The following ARHGAP11B variants were observed in gnomAD, a reference collection of about 807,000 sequenced individuals.
ARHGAP11B encodes the protein Rho GTPase activating protein 11B.
ARHGAP11B carries 14 observed loss-of-function variants against 27.6 expected under a neutral mutation model. The ratio of observed to expected loss-of-function variants is 0.51; its 90% CI spans 0.34 to 0.79. The LOEUF (loss-of-function observed/expected upper bound fraction) is 0.79. Among genes scored for constraint, ARHGAP11B ranks in the 30% least tolerant of loss-of-function variants. The pLI, the probability that ARHGAP11B is intolerant of heterozygous loss-of-function variation, is 0.02. For synonymous variants in ARHGAP11B, 82 were observed against 114.1 expected, an observed-to-expected ratio of 0.72 and a Z score of 1.80; for missense variants, 245 against 320.1, an observed-to-expected ratio of 0.77 and a Z score of 1.79.
chr15:30,630,140 G>T (rs1174889192), intron 1 of ARHGAP11B, among the ~76,000 whole-genome samples: 1 of 152,064 alleles, frequency 6.6e-6, no homozygotes, highest in Non-Finnish European at 1.5e-5. Flanking sequence ...CTTACCGCAG[G>T]GCATGGTTTG....
chr15:30,638,510 A>G (rs985178835), intron 6 of ARHGAP11B, among the ~76,000 whole-genome samples: 33 of 151,694 alleles, frequency 2.2e-4, no homozygotes, highest in Non-Finnish European at 3.5e-4. Flanking sequence ...TTTGTATTAC[A>G]TTTCTTTCTG....
intron 7 of ARHGAP11B, among the ~76,000 whole-genome samples, chr15:30,640,634 T>C (rs1044484405): frequency 1.3e-5 from 2 of 151,988 alleles, no homozygotes; most frequent in African/African-American, 4.8e-5. Context: ...TTTCAGACAA[T>C]GTTAAGTTTC....
Position 30,630,896 on chromosome 15 carries a change from A to C in ARHGAP11B, c.200+123A>C, listed in dbSNP as rs1341905143. ...GGAGCTTAAGACCAGCCTGGGCAAC[A>C]TGGTGAGACCTTGTCGCAAAAGATA... On this transcript the variant is annotated intron_variant, in intron 2 of 10. Coordinates refer to ENST00000428041, the Ensembl canonical transcript of ARHGAP11B. The C allele has an allele frequency of 3.5e-5, 54 of 1,544,568 alleles. 3 individuals carry two copies. The highest frequency in any genetic ancestry group is 4.2e-5 in the Admixed American group (2 of 47,486).
At position 30,634,377 on chromosome 15, in the gene ARHGAP11B, C is replaced by T. The variant is rs371509806; in HGVS notation, c.505C>T (p.His169Tyr). Residue 169 changes from histidine to tyrosine, a missense_variant, in exon 4 of 11, where the codon CAT becomes TAT. By Grantham distance (83) the His-to-Tyr change is moderately conservative. This residue lies in a region of ARHGAP11B where 129 missense variants were observed against 159.9 expected (regional missense o/e 0.81). Transcript: ENST00000428041. ...CTGTCTTCTGGCTGACCACACAGTT[C>T]ATGTATTAAGATACTTCTTTAACTT... 256 of 1,613,238 alleles carry T rather than the reference C, an allele frequency of 1.6e-4. 2 individuals are homozygous for T. The highest frequency in any genetic ancestry group is 2.1e-4 in the Non-Finnish European group (242 of 1,179,646).
chr15:30,638,882 A>G (rs948199578), intron 7 of ARHGAP11B, 72 bp downstream of exon 7: 18 of 861,128 alleles, frequency 2.1e-5, no homozygotes, highest in Non-Finnish European at 9.9e-6. Context: ...ATAAAATACA[A>G]TTACAATAAT....
exon 11 of ARHGAP11B, among the ~76,000 whole-genome samples, chr15:30,648,313 A>C (rs1460950126): frequency 6.6e-6 from 1 of 152,028 alleles, no homozygotes; most frequent in Non-Finnish European, 1.5e-5. Flanking sequence ...GGAGCAGCAT[A>C]CCAGGTGGAA....
chr15:30,641,693 G>A (rs1357009889), intron 7 of ARHGAP11B: 2 of 152,142 alleles, frequency 1.3e-5, no homozygotes, highest in Admixed American at 1.3e-4. Flanking sequence ...TTCTGACTGT[G>A]CCTTCTGCGA....
At chr15:30,643,222 T>C (rs543382696) in intron 7 of ARHGAP11B, among the ~76,000 whole-genome samples, 1 of 152,020 alleles carries the variant, frequency 6.6e-6, no homozygotes, top group African/African-American at 2.4e-5. Context: ...TCCTAGTCTT[T>C]CATGGTTTTG....
intron 7 of ARHGAP11B, among the ~76,000 whole-genome samples, chr15:30,639,988 G>T (rs1365601548): frequency 2.0e-5 from 3 of 149,268 alleles, no homozygotes; most frequent in Non-Finnish European, 4.4e-5. Flanking sequence ...GTGTGTGTGT[G>T]TGTGTGTGTG....
chr15:30,644,243 C>T (rs1175342840), intron 7 of ARHGAP11B, among the ~76,000 whole-genome samples: 2 of 152,032 alleles, frequency 1.3e-5, no homozygotes, highest in African/African-American at 4.8e-5. Context: ...ACCAGAATGT[C>T]AGCTCTCTGA....
intron 7 of ARHGAP11B, among the ~76,000 whole-genome samples, chr15:30,640,423 T>G (rs2060308438): frequency 8.1e-6 from 1 of 123,048 alleles, no homozygotes; most frequent in Admixed American, 9.1e-5. Flanking sequence ...TAGAGTATGA[T>G]CATGCTAATC....
chr15:30,632,375 C>T (rs1342949886), intron 2 of ARHGAP11B, among the ~76,000 whole-genome samples: 3 of 149,460 alleles, frequency 2.0e-5, no homozygotes, highest in Non-Finnish European at 4.5e-5. Flanking sequence ...GAGCAGTGAT[C>T]GCACCACTCC....
At chr15:30,636,393 T>C (rs2060279839) in intron 6 of ARHGAP11B, among the ~76,000 whole-genome samples, 2 of 152,010 alleles carry the variant, frequency 1.3e-5, no homozygotes, top group African/African-American at 4.8e-5. Flanking sequence ...GTAGAGTTGG[T>C]AATAAAACTT....
chr15:30,629,080 T>C (rs1194360983), intron 1 of ARHGAP11B, among the ~76,000 whole-genome samples: 5 of 152,202 alleles, frequency 3.3e-5, no homozygotes, highest in East Asian at 1.9e-4. Flanking sequence ...TAACAAATAT[T>C]TTTTGAATGC....
chr15:30,633,155 A>ATT (rs1307945682), intron 2 of ARHGAP11B, among the ~76,000 whole-genome samples: 2 of 150,000 alleles, frequency 1.3e-5, no homozygotes, highest in African/African-American at 4.9e-5. Context: ...TATGAGAATG[A>ATT]TTGGATAGGG....
At chr15:30,641,467 C>T (rs1009120881) in intron 7 of ARHGAP11B, 3 of 151,568 alleles carry the variant, frequency 2.0e-5, no homozygotes, top group Non-Finnish European at 4.4e-5. Context: ...TCCCAGGTAG[C>T]TGGGATTATA....
exon 11 of ARHGAP11B, among the ~76,000 whole-genome samples, chr15:30,648,385 T>C (rs1257613962): frequency 1.3e-5 from 2 of 151,976 alleles, no homozygotes; most frequent in African/African-American, 2.4e-5. Flanking sequence ...CTTGGCCAAA[T>C]GATTATCTTT....
At chr15:30,633,502 T>C (rs1327894647) in exon 3 of ARHGAP11B, 2 of 1,610,398 alleles carry the variant, frequency 1.2e-6, no homozygotes, top group Non-Finnish European at 1.7e-6. Flanking sequence ...TTCTTGTCGA[T>C]GCTTGCACAT....
chr15:30,646,088 C>T, intron 8 of ARHGAP11B: 4 of 702,978 alleles, frequency 5.7e-6, no homozygotes, highest in Non-Finnish European at 7.4e-6. Context: ...CATCATCATA[C>T]TTCTGTTATT....
Sources: gnomAD v4.1 joint callset for allele counts (sites outside exome capture counted in the v4.1 genomes callset) on GRCh38, gnomAD v4.1.1 for gene constraint, gnomAD v4.1.1 regional missense constraint, MANE v1.5 for transcripts, NCBI Gene and HGNC (gene_info 2026-07-23, HGNC 2026-07-21) for gene names.